Variants in CDK14 observed in about 807,000 individuals in gnomAD.
CDK14 encodes cyclin dependent kinase 14.
In CDK14, 34 loss-of-function variants were observed where a neutral mutation model predicts 60.7. The ratio of observed to expected loss-of-function variants is 0.56; its 90% CI spans 0.43 to 0.75. The LOEUF is 0.75. CDK14 is among the 30% of genes least tolerant of loss of function. The pLI, the probability that CDK14 is intolerant of heterozygous loss-of-function variation, is 0.00. For missense variants in CDK14, 482 were observed against 564.1 expected, an observed-to-expected ratio of 0.85 and a Z score of 1.47; for synonymous variants, 197 against 203.7, an observed-to-expected ratio of 0.97 and a Z score of 0.28.
intron 12 of CDK14, among the ~76,000 whole-genome samples, chr7:91,087,835 G>A (rs921241002): frequency 6.6e-6 from 1 of 151,816 alleles, no homozygotes; most frequent in African/African-American, 2.4e-5. Context: ...AATGCTTGTT[G>A]TGTAAAAACA....
intron 10 of CDK14, among the ~76,000 whole-genome samples, chr7:91,014,785 C>T (rs985422709): frequency 1.5e-4 from 23 of 152,174 alleles, no homozygotes; most frequent in African/African-American, 5.6e-4. Flanking sequence ...ATGGTGCACG[C>T]CCCAGCATGG....
chr7:90,611,065 G>C (rs914777041), intron 2 of CDK14, among the ~76,000 whole-genome samples: 10 of 151,998 alleles, frequency 6.6e-5, no homozygotes, highest in Non-Finnish European at 1.3e-4. Context: ...TTTGTTCCAG[G>C]CCAGTTCCTC....
intron 10 of CDK14, among the ~76,000 whole-genome samples, chr7:91,009,076 T>C (rs1796077753): frequency 6.6e-6 from 1 of 152,184 alleles, no homozygotes. Context: ...GTAGATTAGT[T>C]TGCATTTTCT....
At chr7:91,130,250 A>G (rs1285813617) in intron 14 of CDK14, among the ~76,000 whole-genome samples, 1 of 152,144 alleles carries the variant, frequency 6.6e-6, no homozygotes, top group Non-Finnish European at 1.5e-5. Flanking sequence ...AAAGATTTGC[A>G]CAACTATAGG....
chr7:90,613,262 A>C (rs1799579918), intron 2 of CDK14, among the ~76,000 whole-genome samples: 1 of 152,220 alleles, frequency 6.6e-6, no homozygotes, highest in African/African-American at 2.4e-5. Flanking sequence ...ATATTACAGA[A>C]ATGGAAAACA....
At chr7:91,155,683 C>G (rs991850256) in intron 14 of CDK14, among the ~76,000 whole-genome samples, 1 of 152,122 alleles carries the variant, frequency 6.6e-6, no homozygotes, top group Admixed American at 6.6e-5. Flanking sequence ...AACAAGATTG[C>G]AATGTTTTAT....
chr7:90,919,120 C>T (rs1216983233), intron 8 of CDK14, among the ~76,000 whole-genome samples: 5 of 151,882 alleles, frequency 3.3e-5, no homozygotes, highest in Non-Finnish European at 7.4e-5. Flanking sequence ...AGATTATTGG[C>T]TTTACTGTGA....
intron 2 of CDK14, among the ~76,000 whole-genome samples, chr7:90,688,272 C>G (rs4410845): frequency 6.6e-6 from 1 of 151,752 alleles, no homozygotes; most frequent in Non-Finnish European, 1.5e-5. Context: ...AGATCAGTCA[C>G]AGACCAGTGA....
At chr7:91,203,661 T>G (rs1802795298) in intron 14 of CDK14, among the ~76,000 whole-genome samples, 1 of 152,128 alleles carries the variant, frequency 6.6e-6, no homozygotes, top group Non-Finnish European at 1.5e-5. Context: ...AAGCTCCCAT[T>G]TAGCTGGAGT....
At chr7:90,985,500 G>A (rs1795348191) in intron 10 of CDK14, among the ~76,000 whole-genome samples, 1 of 152,134 alleles carries the variant, frequency 6.6e-6, no homozygotes, top group South Asian at 2.1e-4. Context: ...TTCCAGTAGA[G>A]CTAATATTCA....
intron 7 of CDK14, among the ~76,000 whole-genome samples, chr7:90,911,322 C>T (rs1317708587): frequency 2.0e-5 from 3 of 152,096 alleles, no homozygotes; most frequent in African/African-American, 4.8e-5. Flanking sequence ...ACAAAGATAT[C>T]TAAGACTTAA....
chr7:90,966,347 T>C (rs1302897222), intron 9 of CDK14, among the ~76,000 whole-genome samples: 2 of 152,176 alleles, frequency 1.3e-5, no homozygotes, highest in East Asian at 1.9e-4. Flanking sequence ...TTAAGCACTA[T>C]AAATCTATAC....
chr7:91,155,421 A>AT (rs1182109334), intron 14 of CDK14, among the ~76,000 whole-genome samples: 2 of 152,110 alleles, frequency 1.3e-5, no homozygotes, highest in Non-Finnish European at 2.9e-5. Flanking sequence ...TCTTTTGTTC[A>AT]TTTTTTTCCT....
intron 9 of CDK14, among the ~76,000 whole-genome samples, chr7:90,960,752 A>C (rs1017652876): frequency 1.3e-5 from 2 of 152,172 alleles, no homozygotes; most frequent in Admixed American, 6.5e-5. Flanking sequence ...GGAAATGTAT[A>C]TAATAAAATA....
intron 14 of CDK14, among the ~76,000 whole-genome samples, chr7:91,195,448 G>A (rs943114891): frequency 3.9e-5 from 6 of 152,102 alleles, no homozygotes; most frequent in African/African-American, 1.4e-4. Context: ...TATTTATAAA[G>A]TACCTAAGGC....
intron 4 of CDK14, among the ~76,000 whole-genome samples, chr7:90,752,585 A>G (rs1002078288): frequency 1.3e-5 from 2 of 152,232 alleles, no homozygotes; most frequent in African/African-American, 4.8e-5. Context: ...ATTAACTAAC[A>G]TCACTCCTAG....
intron 2 of CDK14, among the ~76,000 whole-genome samples, chr7:90,654,924 C>T (rs1196217503): frequency 6.6e-6 from 1 of 152,180 alleles, no homozygotes; most frequent in Non-Finnish European, 1.5e-5. Context: ...TTTACCATTA[C>T]TGTATCACAC....
intron 6 of CDK14, among the ~76,000 whole-genome samples, chr7:90,888,501 G>A (rs1309799534): frequency 1.3e-5 from 2 of 152,088 alleles, no homozygotes; most frequent in African/African-American, 4.8e-5. Context: ...GTTATTTCAG[G>A]ATGGCTGTAT....
At chr7:90,788,363 G>A (rs888077469) in intron 4 of CDK14, among the ~76,000 whole-genome samples, 1 of 152,142 alleles carries the variant, frequency 6.6e-6, no homozygotes, top group African/African-American at 2.4e-5. Flanking sequence ...AAGAGTACAA[G>A]GTGCAGTCTC....
Sources: allele counts gnomAD v4.1 joint callset (sites outside exome capture counted in the v4.1 genomes callset), GRCh38; gene constraint gnomAD v4.1.1; transcripts MANE v1.5; gene names NCBI Gene and HGNC (gene_info 2026-07-23, HGNC 2026-07-21).